The following PCDHA12 variants were observed in gnomAD, a reference collection of about 807,000 sequenced individuals.
PCDHA12 encodes the protein protocadherin alpha-12.
PCDHA12 carries 44 observed loss-of-function variants against 60.0 expected under a neutral mutation model. The ratio of observed to expected loss-of-function variants is 0.73; its 90% CI spans 0.58 to 0.94. The LOEUF is 0.94. Among genes scored for constraint, PCDHA12 ranks in the 40% least tolerant of loss-of-function variants. PCDHA12 has a pLI of 0.00. For missense variants in PCDHA12, 1,276 were observed against 1,239.7 expected (o/e 1.03, Z -0.44); for synonymous variants, 569 against 553.0 (o/e 1.03, Z -0.40).
rs190030565 is a variant in PCDHA12, at chr5:140,999,153, C to T, written c.2516-10474C>T. Among the ~76,000 whole-genome samples, 42 of 152,242 alleles carry T rather than the reference C, an allele frequency of 2.8e-4. 1 individual carries two copies. In the East Asian group the frequency reaches 5.2e-3, roughly 19 times the overall value. Reference sequence around the variant, plus strand: ...AATGTCACAGCCGGAAGTCTTCAGTCCCCTAGAAGGAAAAGAGCCTGATGG... The same window carrying T: ...AATGTCACAGCCGGAAGTCTTCAGTTCCCTAGAAGGAAAAGAGCCTGATGG... On this transcript the variant is annotated intron_variant, in intron 3 of 3. Coordinates refer to ENST00000398631, the MANE Select transcript of PCDHA12 (RefSeq NM_018903.4).
intron 3 of PCDHA12, among the ~76,000 whole-genome samples, chr5:140,993,156 A>G (rs2097543367): frequency 6.6e-6 from 1 of 152,188 alleles, no homozygotes; most frequent in Admixed American, 6.5e-5. Context: ...TGGATTCTAA[A>G]TATTTGCCTT....
chr5:140,942,995 G>A (rs933167090), intron 1 of PCDHA12, among the ~76,000 whole-genome samples: 7 of 152,042 alleles, frequency 4.6e-5, no homozygotes, highest in African/African-American at 1.2e-4. Context: ...GGTGGCTCAT[G>A]CCTGTAATCC....
chr5:140,989,235 T>G (rs1408596966), intron 3 of PCDHA12, among the ~76,000 whole-genome samples: 1 of 152,204 alleles, frequency 6.6e-6, no homozygotes, highest in Non-Finnish European at 1.5e-5. Context: ...AGCTGAAGTT[T>G]TAAGCCCCTT....
rs782070226 is a variant in PCDHA12 at position 141,010,142 on chromosome 5, C to G, written c.*205C>G. 1 of 1,588,326 alleles carries G rather than the reference C, an allele frequency of 6.3e-7. No homozygotes were observed. Among genetic ancestry groups the G allele is most frequent in the South Asian group, 1.1e-5 (1 of 88,492 alleles). On this transcript the variant is annotated 3_prime_UTR_variant, in exon 4 of 4. Transcript: ENST00000398631. ...TTACTAAGTCTGGTGTTAACTCTTTCTCTCCACTCTGGCTTGTTTTCAGAA... is the reference window on the plus strand; with the variant it reads ...TTACTAAGTCTGGTGTTAACTCTTTGTCTCCACTCTGGCTTGTTTTCAGAA...
At chr5:140,973,665 T>G (rs1309458037) in intron 1 of PCDHA12, among the ~76,000 whole-genome samples, 1 of 152,248 alleles carries the variant, frequency 6.6e-6, no homozygotes, top group African/African-American at 2.4e-5. Context: ...CTATTTATTG[T>G]AGCTTGAATG....
In PCDHA12 at chr5:140,877,138, C is replaced by T. The variant is rs2056878695; in HGVS notation, c.1666C>T (p.Leu556=). 1.2e-6 allele frequency: 2 copies of T among 1,613,636 alleles called. No homozygotes were observed. Among genetic ancestry groups the T allele is most frequent in the Non-Finnish European group, 1.7e-6 (2 of 1,179,870 alleles). Reference sequence around the variant, plus strand: ...CAACGTGACGCTGCAGGTGTTCGTGCTGGACGAGAACGACAACGCGCCGGC... The same window carrying T: ...CAACGTGACGCTGCAGGTGTTCGTGTTGGACGAGAACGACAACGCGCCGGC... The part of the protein sequence containing the change: ...GSNVTLQVFV[L]DENDNAPALL... The change falls in exon 1 of 4, where the codon CTG becomes TTG. Residue 556 remains leucine, a synonymous_variant. Transcript: ENST00000398631.
chr5:140,898,881 A>G (rs1472274164), intron 1 of PCDHA12, among the ~76,000 whole-genome samples: 1 of 152,102 alleles, frequency 6.6e-6, no homozygotes, highest in Non-Finnish European at 1.5e-5. Context: ...AGTGGTTTGT[A>G]GTTCTCCTTG....
intron 1 of PCDHA12, chr5:140,927,546 A>G (rs1554204713): frequency 6.2e-7 from 1 of 1,614,146 alleles, no homozygotes; most frequent in Non-Finnish European, 8.5e-7. Flanking sequence ...GAGACGCACA[A>G]GTCACCATCA....
chr5:140,966,826 GC>G, intron 1 of PCDHA12: 1 of 1,560,690 alleles, frequency 6.4e-7, no homozygotes, highest in Non-Finnish European at 8.6e-7. Flanking sequence ...GGCGGCCCAT[GC>G]CCTGGCTGCT....
At chr5:140,896,710 T>C (rs1231459059) in intron 1 of PCDHA12, among the ~76,000 whole-genome samples, 2 of 152,160 alleles carry the variant, frequency 1.3e-5, no homozygotes, top group Non-Finnish European at 2.9e-5. Flanking sequence ...TGTTTGTTTT[T>C]TGCTTGTTAA....
intron 1 of PCDHA12, chr5:140,966,646 G>A: frequency 1.8e-6 from 2 of 1,139,684 alleles, no homozygotes; most frequent in Non-Finnish European, 2.3e-6. Flanking sequence ...TTTCTAGAGC[G>A]TGAGCGGTGG....
intron 1 of PCDHA12, chr5:140,968,394 G>T: frequency 6.2e-7 from 1 of 1,613,940 alleles, no homozygotes; most frequent in Non-Finnish European, 8.5e-7. Context: ...GAGAAGTTTC[G>T]GGAGTTCTTT....
chr5:140,955,036 T>C (rs2095128891), intron 1 of PCDHA12, among the ~76,000 whole-genome samples: 1 of 152,210 alleles, frequency 6.6e-6, no homozygotes, highest in Non-Finnish European at 1.5e-5. Context: ...AGGGAATCTT[T>C]TCCTCATTGC....
chr5:140,993,661 A>G (rs902592339), intron 3 of PCDHA12, among the ~76,000 whole-genome samples: 1 of 152,182 alleles, frequency 6.6e-6, no homozygotes, highest in African/African-American at 2.4e-5. Flanking sequence ...TTGGTTAACA[A>G]TGGACCACAT....
chr5:140,973,329 G>A (rs1303671094), intron 1 of PCDHA12, among the ~76,000 whole-genome samples: 6 of 152,112 alleles, frequency 3.9e-5, no homozygotes, highest in Non-Finnish European at 7.3e-5. Flanking sequence ...GTTTACACTC[G>A]TTGTAAAGTG....
rs79233681 is a variant in PCDHA12 at position 140,965,822 on chromosome 5, A to T, written c.2368-13127A>T. Among the ~76,000 whole-genome samples the T allele has an allele frequency of 5.2e-3, 789 of 152,324 alleles. 9 individuals are homozygous for T. The highest frequency in any genetic ancestry group is 0.018 in the African/African-American group (747 of 41,576). On this transcript the variant is annotated intron_variant, in intron 1 of 3. Coordinates refer to ENST00000398631, the MANE Select transcript of PCDHA12 (RefSeq NM_018903.4). The stretch of plus-strand genomic sequence containing the variant: ...TTTTTTTAAACAGAGCATTTTAAAC[A>T]TTTAAATATTGGTTATTTGCCAAGG...
At chr5:140,887,544 CATGG>C (rs2061491541) in intron 1 of PCDHA12, among the ~76,000 whole-genome samples, 2 of 152,098 alleles carry the variant, frequency 1.3e-5, no homozygotes, top group Non-Finnish European at 2.9e-5. Context: ...CCCCACCCCT[CATGG>C]TTACTGTTAA....
chr5:140,925,822 T>C (rs1554202964), intron 1 of PCDHA12, among the ~76,000 whole-genome samples: 1 of 152,156 alleles, frequency 6.6e-6, no homozygotes, highest in African/African-American at 2.4e-5. Flanking sequence ...ACGTCTTCTT[T>C]GGGGACGGGT....
intron 1 of PCDHA12, among the ~76,000 whole-genome samples, chr5:140,944,008 C>T (rs1253527034): frequency 1.3e-5 from 2 of 152,054 alleles, no homozygotes; most frequent in Non-Finnish European, 2.9e-5. Context: ...GAGTACCCCC[C>T]AAAAGCAATT....
Sources: gnomAD v4.1 joint callset for allele counts (sites outside exome capture counted in the v4.1 genomes callset) on GRCh38, gnomAD v4.1.1 for gene constraint, MANE v1.5 for transcripts, NCBI Gene and HGNC (gene_info 2026-07-23, HGNC 2026-07-21) for gene names.